SON: variants seen among roughly 807,000 people sequenced by gnomAD.
SON encodes SON DNA and RNA binding protein, also known as protein SON.
Under a neutral mutation model 173.3 loss-of-function variants are expected in SON, and 4 were observed. The observed-to-expected ratio is 0.02, with a 90% CI of 0.01 to 0.05. The LOEUF is 0.05. Among genes scored for constraint, SON ranks in the 10% least tolerant of loss-of-function variants. The pLI is 1.00. For missense variants in SON, 2,626 were observed against 3,055.3 expected (o/e 0.86, Z 3.31); for synonymous variants, 1,190 against 1,105.9 (o/e 1.08, Z -1.51).
At position 33,553,843 on chromosome 21, in the gene SON, A is replaced by C. The variant is rs1432891875; in HGVS notation, c.4612A>C (p.Asn1538His). The C allele has an allele frequency of 9.3e-6, 15 of 1,613,824 alleles. No individual in the cohort carries two copies. In the Admixed American group the frequency reaches 2.3e-4, roughly 25 times the overall value. ...HGINIDLNIN[N>H]HLIAKEMEHN... ...TATAAATATAGACCTTAATATAAATAATCATTTAATTGCTAAAGAGATGGA... is the reference window on the plus strand; with the variant it reads ...TATAAATATAGACCTTAATATAAATCATCATTTAATTGCTAAAGAGATGGA... The change falls in exon 3 of 12, where the codon AAT (asparagine) becomes CAT (histidine). Residue 1538 changes from asparagine (N) to histidine (H), a missense_variant. Around this residue, in one of 13 missense-constraint regions of SON, gnomAD observed 1,006 missense variants for 895.6 expected, o/e 1.12. Coordinates refer to ENST00000356577, the MANE Select transcript of SON (RefSeq NM_138927.4).
At chr21:33,564,884 AAAC>A (rs2086138496) in intron 6 of SON, among the ~76,000 whole-genome samples, 2 of 143,664 alleles carry the variant, frequency 1.4e-5, no homozygotes, top group Non-Finnish European at 3.1e-5. Flanking sequence ...AAAAAAAATG[AAAC>A]CAGTAGTCAA....
In SON at chr21:33,552,384, C is replaced by T; in HGVS notation, c.3153C>T (p.Ser1051=). 6 of 1,613,740 alleles carry T rather than the reference C, an allele frequency of 3.7e-6. No individual in the cohort carries two copies. The highest frequency in any genetic ancestry group is 5.1e-6 in the Non-Finnish European group (6 of 1,179,898). ...MMSAYERSMM[S]PMAERSMMSA... The stretch of plus-strand genomic sequence containing the variant: ...CAGCCTACGAGCGCTCTATGATGTC[C>T]CCTATGGCTGAGCGCTCTATGATGT... Residue 1051 remains serine, a synonymous_variant, in exon 3 of 12, where the codon TCC becomes TCT. Transcript: ENST00000356577. The surrounding 1 kb of genome is among the most constrained non-coding windows in gnomAD (Gnocchi z 5.6).
chr21:33,568,698 T>C (rs1236908474), intron 7 of SON, among the ~76,000 whole-genome samples: 1 of 152,184 alleles, frequency 6.6e-6, no homozygotes, highest in African/African-American at 2.4e-5. Context: ...CTTTTTTGCA[T>C]TTTTAGTGTA....
chr21:33,561,193 G>C (rs1335530388), intron 6 of SON, among the ~76,000 whole-genome samples: 2 of 152,128 alleles, frequency 1.3e-5, no homozygotes, highest in African/African-American at 4.8e-5. Flanking sequence ...AGCAAGTTAT[G>C]CCATCACCAG....
chr21:33,557,615 C>T (rs531969643), intron 4 of SON: 8 of 1,548,198 alleles, frequency 5.2e-6, no homozygotes, highest in East Asian at 2.4e-5. Flanking sequence ...GTGAGCAACA[C>T]GCAGAAGCTC....
chr21:33,555,152 C>G lies in SON; in HGVS notation c.5921C>G (p.Pro1974Arg). The part of the protein sequence containing the change: ...SRTPSRRSRT[P>R]SRRSRTPSRR... ...ACCCCCAGCCGCCGCAGCCGCACCC[C>G]CAGCCGCCGCAGCCGCACCCCCAGC... The change falls in exon 3 of 12, where the codon CCC (proline) becomes CGC (arginine). Residue 1974 changes from proline (P) to arginine (R), a missense_variant. Pro to Arg is a moderately radical substitution (Grantham distance 103). Around this residue, in one of 13 missense-constraint regions of SON, gnomAD observed 138 missense variants for 222.9 expected, o/e 0.62. Coordinates refer to ENST00000356577, the MANE Select transcript of SON (RefSeq NM_138927.4). 6.6e-7 allele frequency: 1 copy of G among 1,507,980 alleles called. No homozygotes were observed. The highest frequency in any genetic ancestry group is 2.1e-5 in the Admixed American group (1 of 46,806). 93.4% of individuals were successfully genotyped at this position (1,507,980 alleles called of 1,614,324 possible). A position where few individuals can be genotyped will look rare whatever the true frequency, so the allele number is the denominator to read the frequency against.
At chr21:33,563,142 A>G (rs1569063976) in intron 6 of SON, among the ~76,000 whole-genome samples, 1 of 152,182 alleles carries the variant, frequency 6.6e-6, no homozygotes, top group Non-Finnish European at 1.5e-5. Flanking sequence ...CACTGCTAGA[A>G]TGTGTAATAT....
Position 33,559,103 on chromosome 21 carries a change from G to A in SON, c.6322-127G>A, listed in dbSNP as rs186732183. The A allele has an allele frequency of 7.7e-5, 52 of 674,848 alleles. No homozygotes were observed. The highest frequency in any genetic ancestry group is 7.3e-4 in the African/African-American group (39 of 53,210). The allele number at this position is 674,848 out of a possible 1,614,324, so 41.8% of individuals were successfully genotyped here. A position where few individuals can be genotyped will look rare whatever the true frequency, so the allele number is the denominator to read the frequency against. The stretch of plus-strand genomic sequence containing the variant: ...AATAGTAGTTAATATGCCAAGTTAC[G>A]TATCTATAACCTATCATGAATCTTG... On this transcript the variant is annotated intron_variant, in intron 4 of 11. Coordinates refer to ENST00000356577, the MANE Select transcript of SON (RefSeq NM_138927.4). This position sits in a 1 kb window ranked among gnomAD's most constrained non-coding sequence, Gnocchi z 4.1.
rs1228209988 is a variant in SON, at chr21:33,550,277, A to G, written c.1046A>G (p.Glu349Gly). ...GAGCAGCCTGTAGACGTACCATCGG[A>G]GATTGCAGATTCATCCATGACAAGA... is the stretch of plus-strand genomic sequence containing the variant. Reference protein sequence around the residue: ...LPEQPVDVPSEIADSSMTRPQ... With the variant: ...LPEQPVDVPSGIADSSMTRPQ... Residue 349 changes from glutamate (E) to glycine (G), a missense_variant, in exon 3 of 12, where the codon GAG (glutamate) becomes GGG (glycine). Physicochemically the swap from Glu to Gly is moderately conservative, Grantham distance 98. This residue lies in a region of SON where 757 missense variants were observed against 730.1 expected (regional missense o/e 1.04). Transcript: ENST00000356577. 4 of 1,613,914 alleles carry G rather than the reference A, an allele frequency of 2.5e-6. No homozygotes were observed. In the South Asian group the frequency reaches 3.3e-5, roughly 13 times the overall value.
Position 33,547,961 on chromosome 21 carries a change from G to A in SON, c.245-1515G>A, listed in dbSNP as rs972570847. On this transcript the variant is annotated intron_variant, in intron 2 of 11. Coordinates refer to ENST00000356577, the MANE Select transcript of SON (RefSeq NM_138927.4). ...GATGGTCTTGATCTCCTGGCCTCGT[G>A]ATCCACACGTCTTGGCCTCCCAAAG... Among the ~76,000 whole-genome samples, 3 of 151,964 alleles carry A rather than the reference G, an allele frequency of 2.0e-5. No homozygotes were observed. The East Asian group carries it at 5.8e-4, about 29-fold the overall frequency.
rs1378977475 is a variant in SON, at chr21:33,576,857, G to A, written c.*433G>A. 9.7e-6 allele frequency: 3 copies of A among 309,400 alleles called. No individual in the cohort carries two copies. The highest frequency in any genetic ancestry group is 4.2e-5 in the Admixed American group (1 of 23,992). 19.2% of individuals were successfully genotyped at this position (309,400 alleles called of 1,614,324 possible). A position where few individuals can be genotyped will look rare whatever the true frequency, so the allele number is the denominator to read the frequency against. On this transcript the variant is annotated 3_prime_UTR_variant, in exon 12 of 12. Coordinates refer to ENST00000356577, the MANE Select transcript of SON (RefSeq NM_138927.4). ...TCTTCAGTGTGGAATGTTAAATAACGCTTTTATACTGTATTTTGTACTATG... is the reference window on the plus strand; with the variant it reads ...TCTTCAGTGTGGAATGTTAAATAACACTTTTATACTGTATTTTGTACTATG...
chr21:33,545,483 C>A (rs1269361167), intron 1 of SON, among the ~76,000 whole-genome samples: 2 of 152,092 alleles, frequency 1.3e-5, no homozygotes. Context: ...TTTGCAAATT[C>A]ACACAAAAAT....
chr21:33,552,745 C>T lies in SON; in HGVS notation c.3514C>T (p.Pro1172Ser). 6.2e-7 allele frequency: 1 copy of T among 1,613,894 alleles called. No individual in the cohort carries two copies. Among genetic ancestry groups the T allele is most frequent in the Non-Finnish European group, 8.5e-7 (1 of 1,180,010 alleles). ...PEEPPMTPPL[P>S]PEEPPEGPAL... ...GGAGCCACCAATGACACCACCATTG[C>T]CTCCTGAGGAACCACCAGAGGGTCC... The change falls in exon 3 of 12, where the codon CCT (proline) becomes TCT (serine). Residue 1172 changes from proline (P) to serine (S), a missense_variant. Physicochemically the swap from Pro to Ser is moderately conservative, Grantham distance 74. Coordinates refer to ENST00000356577, the MANE Select transcript of SON (RefSeq NM_138927.4). This position sits in a 1 kb window ranked among gnomAD's most constrained non-coding sequence, Gnocchi z 5.6.
chr21:33,556,977 AACTT>A (rs2085979844), intron 3 of SON, among the ~76,000 whole-genome samples, 175 bp from the exon 4 acceptor site: 2 of 151,100 alleles, frequency 1.3e-5, no homozygotes, highest in African/African-American at 4.9e-5. Context: ...TCATAGCTGT[AACTT>A]AGAGCAGAAT....
At chr21:33,546,754 C>G (rs2085625618) in intron 2 of SON, 1 of 153,366 alleles carries the variant, frequency 6.5e-6, no homozygotes, top group Admixed American at 6.5e-5. Context: ...GCACTCCAGC[C>G]TGGGCGACAA....
At position 33,576,559 on chromosome 21, in the gene SON, A is replaced by G; in HGVS notation, c.*135A>G. 1.3e-6 allele frequency: 1 copy of G among 770,744 alleles called. No homozygotes were observed. Among genetic ancestry groups the G allele is most frequent in the Non-Finnish European group, 2.4e-6 (1 of 413,746 alleles). The allele number at this position is 770,744 out of a possible 1,614,324, so 47.7% of individuals were successfully genotyped here. A position where few individuals can be genotyped will look rare whatever the true frequency, so the allele number is the denominator to read the frequency against. The stretch of plus-strand genomic sequence containing the variant: ...CATGGCTAATGCCACTTGCTTCAGG[A>G]GTGCCTCACGTAGATAGATTGAGGT... On this transcript the variant is annotated 3_prime_UTR_variant, in exon 12 of 12. Coordinates refer to ENST00000356577, the MANE Select transcript of SON (RefSeq NM_138927.4).
chr21:33,548,799 A>G (rs899501851), intron 2 of SON, among the ~76,000 whole-genome samples: 2 of 152,224 alleles, frequency 1.3e-5, no homozygotes, highest in African/African-American at 4.8e-5. Flanking sequence ...TTTAATAGAA[A>G]CTGTAGCAAC....
chr21:33,545,193 A>G (rs2085586430), intron 1 of SON, among the ~76,000 whole-genome samples: 1 of 152,224 alleles, frequency 6.6e-6, no homozygotes. Flanking sequence ...TAAAAGAATA[A>G]TAGTGGTGAT....
At position 33,560,583 on chromosome 21, in the gene SON, T is replaced by A. The variant is rs942302008; in HGVS notation, c.6657+808T>A. The A allele has an allele frequency of 8.3e-6, 7 of 846,196 alleles. No individual in the cohort carries two copies. The African/African-American group carries it at 9.2e-5, about 11-fold the overall frequency. 52.4% of individuals were successfully genotyped at this position (846,196 alleles called of 1,614,324 possible). On this transcript the variant is annotated intron_variant, in intron 6 of 11. Transcript: ENST00000356577. Reference sequence around the variant, plus strand: ...CAGCAAGACTGTATATATATGTAAATATATATATATATCTGTATCTTTGTA... The same window carrying A: ...CAGCAAGACTGTATATATATGTAAAAATATATATATATCTGTATCTTTGTA...
Sources: allele counts gnomAD v4.1 joint callset (sites outside exome capture counted in the v4.1 genomes callset), GRCh38; gene constraint gnomAD v4.1.1; regional missense constraint gnomAD v4.1.1; non-coding constraint Gnocchi (gnomAD v3.1); transcripts MANE v1.5; gene names NCBI Gene and HGNC (gene_info 2026-07-23, HGNC 2026-07-21).